Variants in IL1RAPL1 observed in about 807,000 individuals in gnomAD.
IL1RAPL1 encodes the protein interleukin 1 receptor accessory protein like 1, also known as interleukin-1 receptor accessory protein-like 1.
Under a neutral mutation model 48.4 loss-of-function variants are expected in IL1RAPL1, and 3 were observed. The ratio of observed to expected loss-of-function variants is 0.06; its 90% CI spans 0.03 to 0.16. The LOEUF is 0.16. Among genes scored for constraint, IL1RAPL1 ranks in the 10% least tolerant of loss-of-function variants. The probability of loss-of-function intolerance (pLI) is 1.00; values close to 1 mark genes in which losing one functional copy is unlikely to be tolerated. For synonymous variants in IL1RAPL1, 185 were observed against 187.7 expected, an observed-to-expected ratio of 0.99 and a Z score of 0.12; for missense variants, 349 against 530.6, an observed-to-expected ratio of 0.66 and a Z score of 3.36.
chrX:29,199,094 A>G (rs1930501899), intron 2 of IL1RAPL1, among the ~76,000 whole-genome samples: 1 of 112,138 alleles, frequency 8.9e-6, no homozygotes, highest in African/African-American at 3.2e-5. Flanking sequence ...ATATAATTGA[A>G]CAATTAAATA....
intron 2 of IL1RAPL1, among the ~76,000 whole-genome samples, chrX:28,979,398 C>G (rs765743108): frequency 1.8e-5 from 2 of 111,831 alleles, no homozygotes; most frequent in Non-Finnish European, 3.8e-5. Context: ...CTTTTTGCCC[C>G]GTTTTATTCT....
At chrX:29,719,431 C>G (rs930194320) in intron 6 of IL1RAPL1, among the ~76,000 whole-genome samples, 2 of 111,471 alleles carry the variant, frequency 1.8e-5, no homozygotes, top group Non-Finnish European at 3.8e-5. Flanking sequence ...CATCAATTAC[C>G]CAATCCTTAC....
intron 2 of IL1RAPL1, among the ~76,000 whole-genome samples, chrX:29,279,435 C>CAA (rs369340241): frequency 2.4e-5 from 2 of 83,396 alleles, no homozygotes; most frequent in East Asian, 3.6e-4. Context: ...GACTCCATCT[C>CAA]AAAAAAAAAA....
At chrX:29,567,289 G>T (rs1032301015) in intron 5 of IL1RAPL1, among the ~76,000 whole-genome samples, 1 of 110,389 alleles carries the variant, frequency 9.1e-6, no homozygotes, top group Non-Finnish European at 1.9e-5. Flanking sequence ...AACAACTGAG[G>T]ATAAAATATT....
At chrX:29,247,946 A>G (rs1194741640) in intron 2 of IL1RAPL1, among the ~76,000 whole-genome samples, 9 of 111,739 alleles carry the variant, frequency 8.1e-5, no homozygotes, top group Non-Finnish European at 1.5e-4. Flanking sequence ...TTAGACATTT[A>G]GTGGAACACA....
intron 2 of IL1RAPL1, among the ~76,000 whole-genome samples, chrX:29,041,562 A>G (rs1273021480): frequency 5.3e-5 from 6 of 112,438 alleles, no homozygotes; most frequent in Non-Finnish European, 1.1e-4. Context: ...GTTTGTCTTC[A>G]TTTGCATTTC....
chrX:28,764,476 G>A (rs1601892848), intron 1 of IL1RAPL1, among the ~76,000 whole-genome samples: 1 of 111,676 alleles, frequency 9.0e-6, no homozygotes, highest in South Asian at 3.7e-4. Flanking sequence ...GCTGAGGTGG[G>A]CAGATCACCT....
At chrX:29,379,620 T>C (rs1347887851) in intron 3 of IL1RAPL1, among the ~76,000 whole-genome samples, 4 of 111,601 alleles carry the variant, frequency 3.6e-5, no homozygotes, top group African/African-American at 1.3e-4. Context: ...TCCCACAGCT[T>C]CTTTACTCAC....
chrX:28,630,746 T>C (rs754163015), intron 1 of IL1RAPL1, among the ~76,000 whole-genome samples: 6 of 112,623 alleles, frequency 5.3e-5, no homozygotes, highest in Non-Finnish European at 1.1e-4. Context: ...AGGTGTGTTA[T>C]AAAATGATTT....
intron 6 of IL1RAPL1, among the ~76,000 whole-genome samples, chrX:29,883,054 A>G (rs1932063069): frequency 1.8e-5 from 2 of 111,688 alleles, no homozygotes; most frequent in South Asian, 7.6e-4. Context: ...ATCTTCAGTA[A>G]CGTAGGGTCA....
chrX:29,826,531 A>G (rs188996486), intron 6 of IL1RAPL1, among the ~76,000 whole-genome samples: 1 of 111,531 alleles, frequency 9.0e-6, no homozygotes, highest in Non-Finnish European at 1.9e-5. Flanking sequence ...ATTTGTGGTC[A>G]CTTCCTATTC....
At chrX:29,293,338 G>A (rs973281416) in intron 3 of IL1RAPL1, among the ~76,000 whole-genome samples, 16 of 108,585 alleles carry the variant, frequency 1.5e-4, no homozygotes, top group African/African-American at 5.4e-4. Flanking sequence ...TGATCATGGG[G>A]TAGTTTCTTA....
At chrX:29,266,416 C>T (rs1439546633) in intron 2 of IL1RAPL1, among the ~76,000 whole-genome samples, 1 of 111,557 alleles carries the variant, frequency 9.0e-6, no homozygotes, top group African/African-American at 3.3e-5. Flanking sequence ...CATTTATGAC[C>T]TGACAGGTTG....
chrX:28,608,911 A>G (rs1470184314), intron 1 of IL1RAPL1, among the ~76,000 whole-genome samples: 2 of 112,550 alleles, frequency 1.8e-5, no homozygotes, highest in South Asian at 3.7e-4. Context: ...GATATTTAGC[A>G]TGATGCAACT....
intron 2 of IL1RAPL1, among the ~76,000 whole-genome samples, chrX:29,219,727 C>T (rs1930939198): frequency 9.0e-6 from 1 of 111,421 alleles, no homozygotes; most frequent in South Asian, 3.7e-4. Flanking sequence ...CAGAGTTTCT[C>T]CATTTCTTCA....
At chrX:28,761,269 C>T (rs1569166634) in intron 1 of IL1RAPL1, among the ~76,000 whole-genome samples, 1 of 110,080 alleles carries the variant, frequency 9.1e-6, no homozygotes, top group South Asian at 3.9e-4. Context: ...GGGTATATAC[C>T]GAGAGGAAAA....
chrX:29,372,198 A>G (rs1408703518), intron 3 of IL1RAPL1, among the ~76,000 whole-genome samples: 2 of 111,986 alleles, frequency 1.8e-5, no homozygotes, highest in African/African-American at 6.5e-5. Context: ...ATTTGTTCAT[A>G]TGTTTGTTGG....
intron 2 of IL1RAPL1, among the ~76,000 whole-genome samples, chrX:29,035,970 GA>G (rs1296112891): frequency 1.8e-5 from 2 of 111,795 alleles, no homozygotes; most frequent in Non-Finnish European, 3.8e-5. Context: ...GCCTTCTATA[GA>G]AATTCCCCCA....
intron 2 of IL1RAPL1, among the ~76,000 whole-genome samples, chrX:29,115,026 A>G (rs1027596): frequency 0.29 from 31,884 of 110,779 alleles, 4,227 homozygotes; most frequent in African/African-American, 0.52. Context: ...AGGACCTCAA[A>G]TATTTTGCTC....
Sources: allele counts gnomAD v4.1 joint callset (sites outside exome capture counted in the v4.1 genomes callset), GRCh38; gene constraint gnomAD v4.1.1; transcripts MANE v1.5; gene names NCBI Gene and HGNC (gene_info 2026-07-23, HGNC 2026-07-21).